ARHGAP15: variants seen among roughly 807,000 people sequenced by gnomAD.
ARHGAP15 encodes Rho GTPase activating protein 15.
In ARHGAP15, 51 loss-of-function variants were observed where a neutral mutation model predicts 63.7. The ratio of observed to expected loss-of-function variants is 0.80; its 90% CI spans 0.64 to 1.01. ARHGAP15 has a LOEUF of 1.01. Ranked by LOEUF, ARHGAP15 falls within the 50% of genes least tolerant of loss-of-function variation. The pLI, the probability that ARHGAP15 is intolerant of heterozygous loss-of-function variation, is 0.00. For missense variants in ARHGAP15, 560 were observed against 564.6 expected, an observed-to-expected ratio of 0.99 and a Z score of 0.08; for synonymous variants, 191 against 193.8, an observed-to-expected ratio of 0.99 and a Z score of 0.12.
At chr2:143,350,338 T>C (rs1685502183) in intron 6 of ARHGAP15, among the ~76,000 whole-genome samples, 1 of 152,108 alleles carries the variant, frequency 6.6e-6, no homozygotes, top group Non-Finnish European at 1.5e-5. Context: ...CTGTAATAGT[T>C]AGGAGAGTTC....
chr2:143,312,408 A>T (rs1217219525), intron 6 of ARHGAP15, among the ~76,000 whole-genome samples: 1 of 151,906 alleles, frequency 6.6e-6, no homozygotes, highest in Non-Finnish European at 1.5e-5. Context: ...CTAACATTTG[A>T]TCGTATGTTT....
intron 2 of ARHGAP15, 128 bp downstream of exon 2, chr2:143,155,783 C>T: frequency 1.1e-6 from 1 of 916,634 alleles, no homozygotes. Flanking sequence ...TTTTGTAATG[C>T]ATTTTATCTT....
chr2:143,161,684 G>C (rs900478870), intron 2 of ARHGAP15, among the ~76,000 whole-genome samples: 43 of 151,834 alleles, frequency 2.8e-4, no homozygotes, highest in African/African-American at 9.7e-4. Flanking sequence ...TTCTATATGA[G>C]GGGGAAATGA....
At chr2:143,208,360 C>G (rs1692431749) in intron 3 of ARHGAP15, among the ~76,000 whole-genome samples, 1 of 152,130 alleles carries the variant, frequency 6.6e-6, no homozygotes, top group South Asian at 2.1e-4. Context: ...TTTGGATGCT[C>G]TCATAGAGGC....
At chr2:143,694,328 A>G (rs1434310050) in intron 12 of ARHGAP15, among the ~76,000 whole-genome samples, 1 of 152,180 alleles carries the variant, frequency 6.6e-6, no homozygotes, top group Non-Finnish European at 1.5e-5. Context: ...TTTTCTACCT[A>G]GCTGCAAATA....
chr2:143,157,427 CT>C (rs1690124772), intron 2 of ARHGAP15, among the ~76,000 whole-genome samples: 1 of 151,634 alleles, frequency 6.6e-6, no homozygotes, highest in Admixed American at 6.6e-5. Flanking sequence ...TGTTACATAA[CT>C]TTAGTTTGGG....
rs1452167745 is a variant in ARHGAP15, at chr2:143,476,957, CATG to C, written c.704-10412_704-10410del. 2.6e-5 allele frequency among the ~76,000 whole-genome samples: 4 copies of C among 152,166 alleles called. No individual in the cohort carries two copies. In the East Asian group the frequency reaches 7.7e-4, roughly 29 times the overall value. On this transcript the variant is annotated intron_variant, in intron 8 of 13. Transcript: ENST00000295095. ...TGAAAGAAATTGCTTTTGCTATACA[CATG>C]ATGTGAGCCAATCAATAGTGGTTTA...
At chr2:143,433,902 G>A (rs1157044028) in intron 6 of ARHGAP15, among the ~76,000 whole-genome samples, 1 of 152,058 alleles carries the variant, frequency 6.6e-6, no homozygotes, top group Non-Finnish European at 1.5e-5. Context: ...TTAGGATGAA[G>A]GTAGAGGTCT....
intron 3 of ARHGAP15, among the ~76,000 whole-genome samples, chr2:143,208,062 A>T (rs906907918): frequency 6.6e-5 from 10 of 152,166 alleles, no homozygotes; most frequent in African/African-American, 2.4e-4. Flanking sequence ...AGGATGAGCT[A>T]TCATATATGA....
intron 6 of ARHGAP15, among the ~76,000 whole-genome samples, chr2:143,297,212 G>A (rs1011076385): frequency 2.0e-5 from 3 of 152,102 alleles, no homozygotes; most frequent in Non-Finnish European, 4.4e-5. Context: ...AATAAAGTCA[G>A]TTGTTTTGAT....
intron 8 of ARHGAP15, among the ~76,000 whole-genome samples, chr2:143,484,196 T>A (rs1692204486): frequency 6.6e-6 from 1 of 151,878 alleles, no homozygotes; most frequent in African/African-American, 2.4e-5. Flanking sequence ...TAAAACCCCA[T>A]CTCTACTAAA....
intron 9 of ARHGAP15, among the ~76,000 whole-genome samples, chr2:143,494,132 T>A (rs1692711554): frequency 6.6e-6 from 1 of 152,176 alleles, no homozygotes; most frequent in African/African-American, 2.4e-5. Context: ...CTGGATTTTT[T>A]ATATTTTTGT....
intron 6 of ARHGAP15, among the ~76,000 whole-genome samples, chr2:143,330,326 T>C (rs1214549668): frequency 6.6e-6 from 1 of 151,844 alleles, no homozygotes; most frequent in Non-Finnish European, 1.5e-5. Context: ...TTTGTAGATA[T>C]AACTTTTAAC....
At chr2:143,149,475 A>C (rs183514551) in intron 1 of ARHGAP15, among the ~76,000 whole-genome samples, 73 of 152,118 alleles carry the variant, frequency 4.8e-4, no homozygotes, top group African/African-American at 1.6e-3. Context: ...CTGAAACTCA[A>C]GGAAGACTAT....
intron 6 of ARHGAP15, among the ~76,000 whole-genome samples, chr2:143,309,455 T>G (rs1683334810): frequency 6.6e-6 from 1 of 152,024 alleles, no homozygotes; most frequent in Non-Finnish European, 1.5e-5. Context: ...TTTAACAACC[T>G]TTAAATGAAG....
chr2:143,520,292 C>T (rs1200588510), intron 10 of ARHGAP15, among the ~76,000 whole-genome samples: 1 of 152,174 alleles, frequency 6.6e-6, no homozygotes, highest in Admixed American at 6.6e-5. Flanking sequence ...CATTTTAATT[C>T]TCTCAGTGTT....
chr2:143,188,509 C>T (rs1054923209), intron 2 of ARHGAP15, among the ~76,000 whole-genome samples: 4 of 151,870 alleles, frequency 2.6e-5, no homozygotes, highest in African/African-American at 9.6e-5. Context: ...TTGCTTAACA[C>T]ATCTTGAACT....
intron 5 of ARHGAP15, among the ~76,000 whole-genome samples, chr2:143,234,159 T>C (rs2104926524): frequency 6.6e-6 from 1 of 152,342 alleles, no homozygotes; most frequent in East Asian, 1.9e-4. Context: ...ATTATTGTAA[T>C]TTTTATTTCT....
intron 8 of ARHGAP15, among the ~76,000 whole-genome samples, chr2:143,440,392 G>A (rs1437367041): frequency 6.6e-6 from 1 of 152,106 alleles, no homozygotes; most frequent in Non-Finnish European, 1.5e-5. Flanking sequence ...AGACTCAACA[G>A]TATCCTCTTC....
Sources: gnomAD v4.1 joint callset for allele counts (sites outside exome capture counted in the v4.1 genomes callset) on GRCh38, gnomAD v4.1.1 for gene constraint, MANE v1.5 for transcripts, NCBI Gene and HGNC (gene_info 2026-07-23, HGNC 2026-07-21) for gene names.